TIAM1: variants seen among roughly 807,000 people sequenced by gnomAD.
The protein encoded by TIAM1 is TIAM Rac1 associated GEF 1.
In TIAM1, 65 loss-of-function variants were observed where a neutral mutation model predicts 163.5. That is an observed-to-expected ratio of 0.40 (90% CI 0.33 to 0.49). The LOEUF (loss-of-function observed/expected upper bound fraction) is 0.49, where lower values mean the gene tolerates loss of function less well. TIAM1 is among the 20% of genes least tolerant of loss of function. The pLI is 0.77. For missense variants in TIAM1, 1,789 were observed against 2,044.7 expected (o/e 0.87, Z 2.41); for synonymous variants, 833 against 810.1 (o/e 1.03, Z -0.48).
At chr21:31,363,466 G>C (rs923610721) in intron 2 of TIAM1, among the ~76,000 whole-genome samples, 7 of 151,952 alleles carry the variant, frequency 4.6e-5, no homozygotes, top group African/African-American at 1.7e-4. Context: ...TTTTGCAGGG[G>C]TAAGAAGCAG....
rs115682158 is a variant in TIAM1, at chr21:31,370,195, C to T, written c.-368-30773G>A. On this transcript the variant is annotated intron_variant, in intron 2 of 28. Transcript: ENST00000286827. The stretch of plus-strand genomic sequence containing the variant: ...GATTAGGGTGCTTTGTTATAGGAGC[C>T]GAATGGACTGAGACACAATGTATGG... Among the ~76,000 whole-genome samples the T allele has an allele frequency of 1.8e-3, 270 of 151,928 alleles. 2 individuals carry two copies. Among genetic ancestry groups the T allele is most frequent in the African/African-American group, 6.2e-3 (257 of 41,446 alleles).
chr21:31,415,663 C>T (rs1254567394), intron 2 of TIAM1, among the ~76,000 whole-genome samples: 1 of 152,198 alleles, frequency 6.6e-6, no homozygotes, highest in Non-Finnish European at 1.5e-5. Context: ...GTGGCCTCTT[C>T]TGGTTTTACC....
chr21:31,168,752 C>G (rs547351318), intron 15 of TIAM1, among the ~76,000 whole-genome samples: 3 of 152,228 alleles, frequency 2.0e-5, no homozygotes, highest in Non-Finnish European at 2.9e-5. Flanking sequence ...TCCAAGGCAT[C>G]TGGTAGGAGC....
chr21:31,419,363 G>C (rs775396296), intron 2 of TIAM1, among the ~76,000 whole-genome samples: 11 of 152,278 alleles, frequency 7.2e-5, no homozygotes, highest in Admixed American at 2.0e-4. Flanking sequence ...ACAGGACAGT[G>C]ACGCACCTTG....
chr21:31,398,423 C>T (rs939765147), intron 2 of TIAM1, among the ~76,000 whole-genome samples: 2 of 152,104 alleles, frequency 1.3e-5, no homozygotes, highest in Non-Finnish European at 2.9e-5. Context: ...AAAATTTTTT[C>T]TTAAATAAAC....
At chr21:31,212,865 C>T (rs2086960573) in intron 10 of TIAM1, 1 of 152,550 alleles carries the variant, frequency 6.6e-6, no homozygotes, top group Admixed American at 6.5e-5. Context: ...GCCTTGGCCT[C>T]CCAAAGTGCT....
intron 2 of TIAM1, among the ~76,000 whole-genome samples, chr21:31,419,428 G>C (rs1263814766): frequency 6.6e-6 from 1 of 152,180 alleles, no homozygotes; most frequent in African/African-American, 2.4e-5. Flanking sequence ...CTCACCTTCA[G>C]TTAAATGCCA....
chr21:31,556,956 T>C (rs2048901587), intron 1 of TIAM1, among the ~76,000 whole-genome samples: 1 of 152,210 alleles, frequency 6.6e-6, no homozygotes, highest in Non-Finnish European at 1.5e-5. Context: ...TCATCTCTCC[T>C]AGAAAGTGTT....
At chr21:31,310,585 A>C (rs2074887803) in intron 2 of TIAM1, among the ~76,000 whole-genome samples, 1 of 152,178 alleles carries the variant, frequency 6.6e-6, no homozygotes, top group Non-Finnish European at 1.5e-5. Flanking sequence ...CATGGAGGTT[A>C]AACTAATTTC....
chr21:31,188,833 C>CA (rs959861589), intron 13 of TIAM1, among the ~76,000 whole-genome samples: 1 of 152,056 alleles, frequency 6.6e-6, no homozygotes, highest in African/African-American at 2.4e-5. Context: ...CTCAGCCTCT[C>CA]ACAGTGTTGG....
At chr21:31,555,513 C>T (rs1316172089) in intron 1 of TIAM1, among the ~76,000 whole-genome samples, 1 of 152,036 alleles carries the variant, frequency 6.6e-6, no homozygotes, top group Non-Finnish European at 1.5e-5. Flanking sequence ...TCTTTCTTAA[C>T]CACGAGCCTG....
rs1418608998 is a variant in TIAM1, at chr21:31,118,558, C to G, written c.*1810G>C. ...CATAGACACGTCATGACCTTATGTACAAGAGACAATGGCACCCTCTCCAAG... is the reference window on the plus strand; with the variant it reads ...CATAGACACGTCATGACCTTATGTAGAAGAGACAATGGCACCCTCTCCAAG... On this transcript the variant is annotated 3_prime_UTR_variant, in exon 28 of 28. Coordinates refer to ENST00000541036, the MANE Select transcript of TIAM1 (RefSeq NM_001353694.2). 4.2e-6 allele frequency: 2 copies of G among 471,506 alleles called. No individual in the cohort carries two copies. Among genetic ancestry groups the G allele is most frequent in the Non-Finnish European group, 8.8e-6 (2 of 227,196 alleles). 29.2% of individuals were successfully genotyped at this position (471,506 alleles called of 1,614,324 possible).
At chr21:31,174,427 A>G (rs549685504) in intron 15 of TIAM1, among the ~76,000 whole-genome samples, 1 of 152,280 alleles carries the variant, frequency 6.6e-6, no homozygotes, top group East Asian at 1.9e-4. Context: ...GCAGAGCACA[A>G]GCTTCCACTT....
intron 22 of TIAM1, among the ~76,000 whole-genome samples, chr21:31,137,244 C>T (rs545149784): frequency 1.4e-4 from 22 of 152,346 alleles, no homozygotes; most frequent in African/African-American, 4.8e-4. Context: ...AAACAGGCTA[C>T]CGTGCTGAGA....
chr21:31,473,661 A>AC (rs1211936461), intron 1 of TIAM1, among the ~76,000 whole-genome samples: 1 of 152,008 alleles, frequency 6.6e-6, no homozygotes, highest in East Asian at 1.9e-4. Context: ...AAGGAAAACA[A>AC]CCGGAAGTGG....
chr21:31,208,159 A>G (rs2086549830), intron 11 of TIAM1, among the ~76,000 whole-genome samples: 1 of 152,182 alleles, frequency 6.6e-6, no homozygotes, highest in African/African-American at 2.4e-5. Context: ...GTTTCTTCCA[A>G]AGCAAAAGCT....
At chr21:31,215,978 T>C (rs1450161777) in intron 9 of TIAM1, among the ~76,000 whole-genome samples, 1 of 152,142 alleles carries the variant, frequency 6.6e-6, no homozygotes, top group African/African-American at 2.4e-5. Context: ...CTGGCCAACA[T>C]GGTGAAACCC....
chr21:31,143,624 A>C (rs953731928), intron 20 of TIAM1, among the ~76,000 whole-genome samples: 1 of 152,042 alleles, frequency 6.6e-6, no homozygotes, highest in African/African-American at 2.4e-5. Context: ...ATAAACATTA[A>C]ACTTTTAAAA....
At chr21:31,137,066 A>G (rs2082648943) in intron 22 of TIAM1, among the ~76,000 whole-genome samples, 1 of 152,346 alleles carries the variant, frequency 6.6e-6, no homozygotes, top group African/African-American at 2.4e-5. Flanking sequence ...ACGATGATCC[A>G]GAGAGTCTGA....
Sources: gnomAD v4.1 joint callset for allele counts (sites outside exome capture counted in the v4.1 genomes callset) on GRCh38, gnomAD v4.1.1 for gene constraint, MANE v1.5 for transcripts, NCBI Gene and HGNC (gene_info 2026-07-23, HGNC 2026-07-21) for gene names.